Variants in IFTAP observed in about 807,000 individuals in gnomAD.
IFTAP encodes the protein intraflagellar transport-associated protein.
A neutral mutation model predicts 19.4 loss-of-function variants in IFTAP; 19 were observed. The observed-to-expected ratio is 0.98, with a 90% confidence interval of 0.68 to 1.44. The LOEUF is 1.44. IFTAP is among the 40% of genes most tolerant of loss of function. The pLI is 0.00. For synonymous variants in IFTAP, 85 were observed against 83.5 expected (o/e 1.02, Z -0.10); for missense variants, 240 against 253.6 (o/e 0.95, Z 0.36).
chr11:36,625,901 A>G (rs894159044), intron 2 of IFTAP, among the ~76,000 whole-genome samples: 5 of 151,528 alleles, frequency 3.3e-5, no homozygotes, highest in Admixed American at 3.3e-4. Context: ...GGCCCAGGGA[A>G]CAGCGAGTGC....
At chr11:36,619,455 G>C (rs2422297) in intron 2 of IFTAP, among the ~76,000 whole-genome samples, 23,442 of 151,980 alleles carry the variant, frequency 0.15, 2,607 homozygotes, top group African/African-American at 0.31. Flanking sequence ...AAAAATACCA[G>C]AGAGAAAAAT....
chr11:36,628,434 A>G (rs927390410), intron 2 of IFTAP, among the ~76,000 whole-genome samples: 7 of 151,060 alleles, frequency 4.6e-5, no homozygotes, highest in Admixed American at 2.0e-4. Context: ...TGCCAAACCA[A>G]TTATGATTTT....
At chr11:36,633,154 C>G (rs914334372) in intron 2 of IFTAP, 130 bp from the exon 3 acceptor site, 12 of 771,672 alleles carry the variant, frequency 1.6e-5, no homozygotes, top group Non-Finnish European at 2.3e-5. Context: ...CTTAATGCCT[C>G]AAGGGTTCGG....
chr11:36,651,472 A>G (rs1012997673), intron 5 of IFTAP, among the ~76,000 whole-genome samples: 2 of 152,096 alleles, frequency 1.3e-5, no homozygotes, highest in African/African-American at 2.4e-5. Flanking sequence ...AGATGAGTAG[A>G]TTGCAAAAAT....
At chr11:36,646,751 A>T (rs1464718447) in intron 4 of IFTAP, among the ~76,000 whole-genome samples, 2 of 152,142 alleles carry the variant, frequency 1.3e-5, no homozygotes, top group Non-Finnish European at 1.5e-5. Flanking sequence ...CTCTTAGCTC[A>T]TTGTCTGTAA....
intron 4 of IFTAP, among the ~76,000 whole-genome samples, chr11:36,642,110 C>T (rs1853234398): frequency 6.6e-6 from 1 of 151,818 alleles, no homozygotes; most frequent in African/African-American, 2.4e-5. Context: ...AGACCGCTAG[C>T]AAGACTAATA....
intron 5 of IFTAP, among the ~76,000 whole-genome samples, chr11:36,653,770 A>G (rs1216221635): frequency 6.6e-6 from 1 of 152,158 alleles, no homozygotes; most frequent in African/African-American, 2.4e-5. Flanking sequence ...ATGTCATCAT[A>G]AGCTTATGTA....
chr11:36,615,036 G>T (rs1384989332), intron 2 of IFTAP, among the ~76,000 whole-genome samples: 1 of 134,498 alleles, frequency 7.4e-6, no homozygotes, highest in African/African-American at 3.0e-5. Flanking sequence ...TTTCTTCTAG[G>T]GTTTTTATGG....
intron 1 of IFTAP, among the ~76,000 whole-genome samples, chr11:36,599,140 C>A (rs568220455): frequency 1.3e-5 from 2 of 152,190 alleles, no homozygotes; most frequent in East Asian, 3.9e-4. Context: ...ATTACAGGCA[C>A]ACGCCACCAC....
intron 1 of IFTAP, among the ~76,000 whole-genome samples, chr11:36,601,276 G>A (rs1017939715): frequency 8.5e-5 from 13 of 152,132 alleles, no homozygotes; most frequent in African/African-American, 2.9e-4. Flanking sequence ...TGTTTGGCTC[G>A]TTGAATGAAT....
At chr11:36,626,978 G>A (rs909610793) in intron 2 of IFTAP, among the ~76,000 whole-genome samples, 1 of 151,156 alleles carries the variant, frequency 6.6e-6, no homozygotes, top group Non-Finnish European at 1.5e-5. Context: ...AAAATAAAAT[G>A]TGGTACTATT....
rs115244115 is a variant in IFTAP at position 36,612,219 on chromosome 11, A to C, written c.136+1980A>C. Among the ~76,000 whole-genome samples, 828 of 152,078 alleles carry C rather than the reference A, an allele frequency of 5.4e-3. 7 individuals carry two copies. The highest frequency in any genetic ancestry group is 0.019 in the African/African-American group (800 of 41,530). On this transcript the variant is annotated intron_variant, in intron 2 of 5. Coordinates refer to ENST00000334307, the MANE Select transcript of IFTAP (RefSeq NM_138787.4). ...ATTTTGGGTTCAGTTTTGGACCCCA[A>C]ATTGATCTGAAATAAATGATGATGC...
intron 2 of IFTAP, among the ~76,000 whole-genome samples, chr11:36,627,120 A>G (rs1462592149): frequency 1.3e-5 from 2 of 151,328 alleles, no homozygotes. Context: ...CTGGTATGGA[A>G]TATCTAGAAG....
At chr11:36,600,894 C>T (rs1231479201) in intron 1 of IFTAP, among the ~76,000 whole-genome samples, 1 of 152,150 alleles carries the variant, frequency 6.6e-6, no homozygotes, top group African/African-American at 2.4e-5. Flanking sequence ...GGAAGCCAAC[C>T]TCAAGCCCCA....
intron 5 of IFTAP, among the ~76,000 whole-genome samples, chr11:36,652,072 T>C (rs1211078280): frequency 6.6e-6 from 1 of 152,218 alleles, no homozygotes; most frequent in Non-Finnish European, 1.5e-5. Flanking sequence ...AAAGTAGTTT[T>C]TTCCAATTCT....
At chr11:36,634,619 C>T (rs1852865874) in intron 3 of IFTAP, among the ~76,000 whole-genome samples, 1 of 152,032 alleles carries the variant, frequency 6.6e-6, no homozygotes, top group African/African-American at 2.4e-5. Context: ...AGTATTTTTT[C>T]AGATAGTGAT....
At chr11:36,607,474 T>C (rs1162214708) in intron 1 of IFTAP, among the ~76,000 whole-genome samples, 1 of 152,248 alleles carries the variant, frequency 6.6e-6, no homozygotes, top group South Asian at 2.1e-4. Flanking sequence ...TGCAAGCATA[T>C]TGGTATTTCT....
At chr11:36,635,705 C>T (rs1286984407) in intron 3 of IFTAP, among the ~76,000 whole-genome samples, 4 of 152,118 alleles carry the variant, frequency 2.6e-5, no homozygotes, top group Non-Finnish European at 5.9e-5. Context: ...AAACAAAACC[C>T]AGAAACACTG....
chr11:36,618,546 AT>A (rs376070861), intron 2 of IFTAP, among the ~76,000 whole-genome samples: 52 of 152,116 alleles, frequency 3.4e-4, no homozygotes, highest in Non-Finnish European at 6.3e-4. Context: ...GTGGGGCAGA[AT>A]GTGTAGATGC....
Sources: gnomAD v4.1 joint callset for allele counts (sites outside exome capture counted in the v4.1 genomes callset) on GRCh38, gnomAD v4.1.1 for gene constraint, MANE v1.5 for transcripts, NCBI Gene and HGNC (gene_info 2026-07-23, HGNC 2026-07-21) for gene names.